The following C10orf90 variants were observed in gnomAD, a reference collection of about 807,000 sequenced individuals.
C10orf90 encodes the protein (E2-independent) E3 ubiquitin-conjugating enzyme FATS.
A neutral mutation model predicts 62.5 loss-of-function variants in C10orf90; 56 were observed. That is an observed-to-expected ratio of 0.90 (90% confidence interval 0.72 to 1.12). The LOEUF (loss-of-function observed/expected upper bound fraction) is 1.12. Ranked by LOEUF, C10orf90 falls within the 50% of genes most tolerant of loss-of-function variation. The pLI, the probability that C10orf90 is intolerant of heterozygous loss-of-function variation, is 0.00. For synonymous variants in C10orf90, 386 were observed against 340.4 expected, an observed-to-expected ratio of 1.13 and a Z score of -1.47; for missense variants, 970 against 880.4, an observed-to-expected ratio of 1.10 and a Z score of -1.29.
At chr10:126,495,120 T>A (rs1288334997) in intron 4 of C10orf90, among the ~76,000 whole-genome samples, 1 of 152,200 alleles carries the variant, frequency 6.6e-6, no homozygotes, top group Non-Finnish European at 1.5e-5. Flanking sequence ...TCACAGTTAC[T>A]CATGTATAGA....
intron 2 of C10orf90, among the ~76,000 whole-genome samples, chr10:126,542,040 A>C (rs1591082808): frequency 6.6e-6 from 1 of 152,248 alleles, no homozygotes; most frequent in Non-Finnish European, 1.5e-5. Flanking sequence ...CCTTGAAAAC[A>C]TGCCACACGA....
intron 2 of C10orf90, among the ~76,000 whole-genome samples, chr10:126,535,132 TAC>T (rs1161252651): frequency 7.2e-5 from 11 of 152,014 alleles, no homozygotes; most frequent in South Asian, 2.1e-4. Context: ...TATATATACA[TAC>T]ACACACACAT....
At position 126,504,486 on chromosome 10, in the gene C10orf90, G is replaced by A; in HGVS notation, c.1005C>T (p.Thr335=). ...DDKETSFSPD[T]PLSGKSPLVF... ...CCAGCGGGCTCTTTCCTGACAGTGG[G>A]GTGTCTGGAGAAAAACTGGTCTCTT... Residue 335 remains threonine, a synonymous_variant, in exon 4 of 10, where the codon ACC becomes ACT. Transcript: ENST00000488181. This position sits in a 1 kb window ranked among gnomAD's most constrained non-coding sequence, Gnocchi z 4.1. The A allele has an allele frequency of 1.9e-6, 3 of 1,614,168 alleles. No homozygotes were observed. Among genetic ancestry groups the A allele is most frequent in the East Asian group, 4.5e-5 (2 of 44,864 alleles).
rs35841777 is a variant in C10orf90 at position 126,535,516 on chromosome 10, CAA to C, written c.314-21579_314-21578del. Among the ~76,000 whole-genome samples the C allele has an allele frequency of 1.5e-3, 198 of 131,978 alleles. No homozygotes were observed. The Middle Eastern group carries it at 0.016, about 10-fold the overall frequency. 86.6% of individuals were successfully genotyped at this position (131,978 alleles called of 152,430 possible). On this transcript the variant is annotated intron_variant, in intron 2 of 9. Transcript: ENST00000488181. ...TGGGCAACAGAGCCAGACGCTGTCT[CAA>C]AAAAAAAAAAAAAAATTGTCTTCTG...
intron 4 of C10orf90, among the ~76,000 whole-genome samples, chr10:126,480,432 G>C (rs1334153874): frequency 1.3e-5 from 2 of 152,194 alleles, no homozygotes; most frequent in Non-Finnish European, 2.9e-5. Flanking sequence ...ACCATTTCAT[G>C]GTTCAGGGCA....
intron 2 of C10orf90, among the ~76,000 whole-genome samples, chr10:126,526,623 G>A (rs755411377): frequency 1.1e-4 from 16 of 152,020 alleles, no homozygotes; most frequent in African/African-American, 3.6e-4. Flanking sequence ...GCACAATTCC[G>A]TGGTTTTTGT....
intron 2 of C10orf90, chr10:126,524,743 C>T: frequency 1.0e-6 from 1 of 985,442 alleles, no homozygotes; most frequent in Non-Finnish European, 1.2e-6. Flanking sequence ...ACCTGTATGG[C>T]CCCTAGGGTG....
At chr10:126,610,837 A>G (rs1845416785) in intron 2 of C10orf90, among the ~76,000 whole-genome samples, 1 of 152,160 alleles carries the variant, frequency 6.6e-6, no homozygotes, top group African/African-American at 2.4e-5. Flanking sequence ...GGAGAGCTCA[A>G]ATGAAGCCCC....
chr10:126,455,262 A>T (rs772414064), intron 7 of C10orf90, among the ~76,000 whole-genome samples: 3 of 151,856 alleles, frequency 2.0e-5, no homozygotes, highest in Non-Finnish European at 4.4e-5. Context: ...TTACCATCCA[A>T]TCATAGCTAA....
At chr10:126,570,169 T>C (rs1466128413) in intron 2 of C10orf90, among the ~76,000 whole-genome samples, 1 of 152,226 alleles carries the variant, frequency 6.6e-6, no homozygotes, top group Non-Finnish European at 1.5e-5. Flanking sequence ...TGCTGCACTA[T>C]CTCTCTGCCT....
chr10:126,616,972 C>A (rs1336120552), intron 2 of C10orf90, among the ~76,000 whole-genome samples: 1 of 152,148 alleles, frequency 6.6e-6, no homozygotes, highest in Non-Finnish European at 1.5e-5. Context: ...AGTTGAAAGA[C>A]AACGGGAGAC....
At chr10:126,445,683 G>T (rs890448358) in intron 7 of C10orf90, among the ~76,000 whole-genome samples, 1 of 151,930 alleles carries the variant, frequency 6.6e-6, no homozygotes, top group African/African-American at 2.4e-5. Flanking sequence ...CAGAGGAAAA[G>T]AAGTCATTAT....
At chr10:126,477,519 A>T (rs1432652807) in intron 4 of C10orf90, among the ~76,000 whole-genome samples, 3 of 152,074 alleles carry the variant, frequency 2.0e-5, no homozygotes, top group Admixed American at 6.6e-5. Context: ...AGATCCCCTT[A>T]AAAAGTGAGT....
At chr10:126,476,530 T>C (rs1590973066) in intron 4 of C10orf90, among the ~76,000 whole-genome samples, 1 of 152,286 alleles carries the variant, frequency 6.6e-6, no homozygotes, top group Non-Finnish European at 1.5e-5. Flanking sequence ...CCCCAGCTGG[T>C]TTTCTCTGCC....
chr10:126,538,799 C>G (rs1366528634), intron 2 of C10orf90, among the ~76,000 whole-genome samples: 1 of 152,204 alleles, frequency 6.6e-6, no homozygotes, highest in African/African-American at 2.4e-5. Context: ...CATTCTACCT[C>G]TGCTTATTCT....
intron 2 of C10orf90, among the ~76,000 whole-genome samples, chr10:126,636,342 G>A (rs148444774): frequency 4.9e-4 from 75 of 152,168 alleles, no homozygotes; most frequent in Non-Finnish European, 6.5e-4. Context: ...AGTTATCAGC[G>A]TACCACACAC....
At chr10:126,608,962 A>T (rs767318433) in intron 2 of C10orf90, among the ~76,000 whole-genome samples, 5 of 152,208 alleles carry the variant, frequency 3.3e-5, no homozygotes, top group Non-Finnish European at 5.9e-5. Context: ...TTTAAAGAGT[A>T]TATAGGAGTT....
intron 2 of C10orf90, among the ~76,000 whole-genome samples, chr10:126,567,998 G>T (rs72839035): frequency 1.3e-5 from 2 of 152,110 alleles, no homozygotes; most frequent in Non-Finnish European, 2.9e-5. Context: ...CTCTGGGAAA[G>T]GAGAGGAAAT....
At chr10:126,439,795 G>C (rs902555177) in intron 7 of C10orf90, among the ~76,000 whole-genome samples, 1 of 152,078 alleles carries the variant, frequency 6.6e-6, no homozygotes, top group African/African-American at 2.4e-5. Flanking sequence ...AATGAAGAAA[G>C]CTTATGGGAT....
Sources: allele counts gnomAD v4.1 joint callset (sites outside exome capture counted in the v4.1 genomes callset), GRCh38; gene constraint gnomAD v4.1.1; non-coding constraint Gnocchi (gnomAD v3.1); transcripts MANE v1.5; gene names NCBI Gene and HGNC (gene_info 2026-07-23, HGNC 2026-07-21).